The following C3orf70 variants were observed in gnomAD, a reference collection of about 807,000 sequenced individuals.
C3orf70 encodes the protein UPF0524 protein C3orf70.
Under a neutral mutation model 20.7 loss-of-function variants are expected in C3orf70, and 15 were observed. The observed-to-expected ratio is 0.72, with a 90% confidence interval of 0.48 to 1.11. The LOEUF (loss-of-function observed/expected upper bound fraction) is 1.11. Among genes scored for constraint, C3orf70 ranks in the 50% most tolerant of loss-of-function variants. C3orf70 has a pLI of 0.00. For synonymous variants in C3orf70, 161 were observed against 125.7 expected (o/e 1.28, Z -1.88); for missense variants, 332 against 317.6 (o/e 1.05, Z -0.34).
At chr3:185,132,553 C>A (rs890891024) in intron 1 of C3orf70, among the ~76,000 whole-genome samples, 3 of 151,866 alleles carry the variant, frequency 2.0e-5, no homozygotes, top group Non-Finnish European at 4.4e-5. Context: ...AAGAAATTCT[C>A]CAGAAGGCAG....
intron 1 of C3orf70, among the ~76,000 whole-genome samples, chr3:185,140,917 G>C (rs1267367557): frequency 2.0e-5 from 3 of 149,630 alleles, no homozygotes; most frequent in African/African-American, 7.4e-5. Context: ...GCAGTGACCC[G>C]AGATCGTGCC....
chr3:185,148,373 G>A (rs973190042), intron 1 of C3orf70, among the ~76,000 whole-genome samples: 8 of 152,056 alleles, frequency 5.3e-5, no homozygotes, highest in African/African-American at 1.9e-4. Context: ...TTAGTGAATG[G>A]CACCACCATC....
intron 1 of C3orf70, among the ~76,000 whole-genome samples, chr3:185,131,389 G>T (rs914305147): frequency 6.6e-6 from 1 of 152,136 alleles, no homozygotes; most frequent in African/African-American, 2.4e-5. Context: ...GTAATATCTT[G>T]TTATAATAGA....
chr3:185,080,108 A>G lies in C3orf70; in HGVS notation c.*2899T>C, dbSNP rs1715299327. 1.3e-5 allele frequency: 2 copies of G among 152,670 alleles called. No homozygotes were observed. The highest frequency in any genetic ancestry group is 4.1e-4 in the South Asian group (2 of 4,832). The allele number at this position is 152,670 out of a possible 1,614,324, so 9.5% of individuals were successfully genotyped here. On this transcript the variant is annotated 3_prime_UTR_variant, in exon 2 of 2. Transcript: ENST00000335012. ...AGTGTTATCAACAGTGCTAGGACAAAAATAAATCTTGTGCTTATTTAGAAA... is the reference window on the plus strand; with the variant it reads ...AGTGTTATCAACAGTGCTAGGACAAGAATAAATCTTGTGCTTATTTAGAAA...
At position 185,083,194 on chromosome 3, in the gene C3orf70, TC is replaced by T. The variant is rs1440041552; in HGVS notation, c.565del (p.Asp189ThrfsTer25). 1.2e-6 allele frequency: 2 copies of T among 1,614,034 alleles called. No homozygotes were observed. The highest frequency in any genetic ancestry group is 1.7e-5 in the Admixed American group (1 of 60,000). On this transcript the variant is annotated frameshift_variant, in exon 2 of 2. Coordinates refer to ENST00000335012, the MANE Select transcript of C3orf70 (RefSeq NM_001025266.3). LOFTEE classifies it high-confidence loss of function. ...DHCSSPSSSE[D>X]SGINAIGAHY... is the part of the protein sequence containing the mutation. ...AGCCCCAATCGCATTGATCCCAGAG[TC>T]CTCAGAACTTGAGGGAGAAGAGCAG...
At chr3:185,096,119 A>G (rs1250879129) in intron 1 of C3orf70, among the ~76,000 whole-genome samples, 4 of 150,310 alleles carry the variant, frequency 2.7e-5, no homozygotes, top group African/African-American at 7.3e-5. Context: ...ATAGTTCCCA[A>G]TGTAATCAAA....
intron 1 of C3orf70, among the ~76,000 whole-genome samples, chr3:185,131,701 A>G (rs573755042): frequency 6.6e-6 from 1 of 152,342 alleles, no homozygotes; most frequent in South Asian, 2.1e-4. Context: ...GCAGAAACCC[A>G]AGTAAAAGTA....
intron 1 of C3orf70, among the ~76,000 whole-genome samples, chr3:185,105,042 T>C (rs551493331): frequency 3.9e-5 from 6 of 152,220 alleles, no homozygotes; most frequent in African/African-American, 1.4e-4. Flanking sequence ...ACATATCAAA[T>C]AAGGAGAAAA....
intron 1 of C3orf70, among the ~76,000 whole-genome samples, chr3:185,084,918 G>T (rs1330710993): frequency 6.6e-6 from 1 of 152,134 alleles, no homozygotes; most frequent in Non-Finnish European, 1.5e-5. Flanking sequence ...CAATTTATCG[G>T]TTCATGTTGT....
chr3:185,094,068 C>T (rs9848290), intron 1 of C3orf70, among the ~76,000 whole-genome samples: 3,379 of 141,178 alleles, frequency 0.024, 112 homozygotes, highest in African/African-American at 0.083. Flanking sequence ...TGAGTTATAC[C>T]CTGGGGTTTT....
chr3:185,150,154 A>G (rs1716959055), intron 1 of C3orf70, among the ~76,000 whole-genome samples: 1 of 152,358 alleles, frequency 6.6e-6, no homozygotes, highest in Admixed American at 6.5e-5. Context: ...TATAAGATGG[A>G]TAACAGTGCA....
intron 1 of C3orf70, among the ~76,000 whole-genome samples, chr3:185,113,285 C>CAAAAAAAAAAAAAAAAA (rs55966497): frequency 2.2e-5 from 3 of 138,456 alleles, no homozygotes; most frequent in Middle Eastern, 3.8e-3. Context: ...CTAAAAAATA[C>CAAAAAAAAAAAAAAAAA]AAAAAAGAAA....
At chr3:185,138,185 ACATT>A (rs1385254258) in intron 1 of C3orf70, among the ~76,000 whole-genome samples, 1 of 152,196 alleles carries the variant, frequency 6.6e-6, no homozygotes, top group African/African-American at 2.4e-5. Context: ...CCAATGATCT[ACATT>A]CATTCCTTGA....
chr3:185,127,905 T>C (rs989269121), intron 1 of C3orf70, among the ~76,000 whole-genome samples: 1 of 152,070 alleles, frequency 6.6e-6, no homozygotes, highest in African/African-American at 2.4e-5. Flanking sequence ...GCCCAGGAGA[T>C]TTTCCCCTCA....
intron 1 of C3orf70, among the ~76,000 whole-genome samples, chr3:185,134,846 T>C (rs1471298983): frequency 1.3e-5 from 2 of 152,102 alleles, no homozygotes; most frequent in East Asian, 3.9e-4. Flanking sequence ...AGGCCCCCCA[T>C]GGTGGTATCA....
At chr3:185,115,962 T>G (rs1465988429) in intron 1 of C3orf70, among the ~76,000 whole-genome samples, 1 of 152,174 alleles carries the variant, frequency 6.6e-6, no homozygotes, top group Non-Finnish European at 1.5e-5. Flanking sequence ...CATTGGGGAT[T>G]AGGATTTCAA....
intron 1 of C3orf70, 62 bp downstream of exon 1, chr3:185,152,566 G>T: frequency 4.1e-6 from 6 of 1,455,968 alleles, no homozygotes; most frequent in Non-Finnish European, 5.5e-6. Flanking sequence ...CAGCGACCCC[G>T]GACGGCCCGG....
chr3:185,147,843 G>A lies in C3orf70; in HGVS notation c.196+4785C>T, dbSNP rs143631922. Among the ~76,000 whole-genome samples, 333 of 152,280 alleles carry A rather than the reference G, an allele frequency of 2.2e-3. 1 individual carries two copies. The highest frequency in any genetic ancestry group is 7.7e-3 in the African/African-American group (319 of 41,570). ...TATATTCCTGAAGTCACTGTTGCAA[G>A]ACTAAACCTTTCACCCTCTTCTCCA... On this transcript the variant is annotated intron_variant, in intron 1 of 1. Coordinates refer to ENST00000335012, the MANE Select transcript of C3orf70 (RefSeq NM_001025266.3).
At chr3:185,089,989 G>A (rs1257871884) in intron 1 of C3orf70, among the ~76,000 whole-genome samples, 1 of 152,090 alleles carries the variant, frequency 6.6e-6, no homozygotes, top group Admixed American at 6.5e-5. Flanking sequence ...TCTCATCCTG[G>A]CTCTTTGGTT....
Sources: allele counts gnomAD v4.1 joint callset (sites outside exome capture counted in the v4.1 genomes callset), GRCh38; gene constraint gnomAD v4.1.1; transcripts MANE v1.5; gene names NCBI Gene and HGNC (gene_info 2026-07-23, HGNC 2026-07-21).